Variants in STAG2 observed in about 807,000 individuals in gnomAD.
STAG2 encodes STAG2 cohesin complex component, also known as cohesin subunit SA-2.
STAG2 carries 14 observed loss-of-function variants against 108.1 expected under a neutral mutation model. The observed-to-expected ratio is 0.13, with a 90% CI of 0.09 to 0.20. The LOEUF (loss-of-function observed/expected upper bound fraction) is 0.20, where lower values mean the gene tolerates loss of function less well. Ranked by LOEUF, STAG2 falls within the 10% of genes least tolerant of loss-of-function variation. STAG2 has a pLI of 1.00. For synonymous variants in STAG2, 307 were observed against 302.7 expected, an observed-to-expected ratio of 1.01 and a Z score of -0.15; for missense variants, 440 against 940.9, an observed-to-expected ratio of 0.47 and a Z score of 6.96.
Position 124,094,113 on chromosome X carries a change from G to A in STAG2, c.3674G>A (p.Gly1225Glu), listed in dbSNP as rs752627195. Residue 1225 changes from glycine to glutamate, a missense_variant, in exon 33 of 35, where the codon GGA becomes GAA. Transcript: ENST00000371145. ...GGGAGGATTGAGGATCTTAATGAGGGAATGGATTTTGACACCATGGATATA... is the reference window on the plus strand; with the variant it reads ...GGGAGGATTGAGGATCTTAATGAGGAAATGGATTTTGACACCATGGATATA... ...SEGRIEDLNE[G>E]MDFDTMDIDL... 3 of 1,206,671 alleles carry A rather than the reference G, an allele frequency of 2.5e-6. No homozygotes were observed.
At position 124,094,156 on chromosome X, in the gene STAG2, A is replaced by C; in HGVS notation, c.3705+12A>C. 2 of 1,194,707 alleles carry C rather than the reference A, an allele frequency of 1.7e-6. No homozygotes were observed. The highest frequency in any genetic ancestry group is 1.1e-6 in the Non-Finnish European group (1 of 883,168). On this transcript the variant is annotated intron_variant, in intron 33 of 34. Coordinates refer to ENST00000371145, the MANE Select transcript of STAG2 (RefSeq NM_001042750.2). The stretch of plus-strand genomic sequence containing the variant: ...TGGATATAGATTTGGTAAGAAACTT[A>C]ATGATTTCTGTAAGATTTTCAGTTT...
At chrX:124,100,371 CT>C (rs1241993924) in intron 34 of STAG2, among the ~76,000 whole-genome samples, 2 of 110,997 alleles carry the variant, frequency 1.8e-5, no homozygotes, top group African/African-American at 6.5e-5. Context: ...TAAGTAGCAT[CT>C]TGATTAGTCC....
At chrX:124,098,236 A>G (rs921407638) in intron 34 of STAG2, among the ~76,000 whole-genome samples, 11 of 111,054 alleles carry the variant, frequency 9.9e-5, no homozygotes, top group African/African-American at 3.6e-4. Flanking sequence ...CTGCTACAAA[A>G]ATTAGGAAAA....
rs898120842 is a variant in STAG2 at position 124,081,584 on chromosome X, T to C, written c.2924+56T>C. 3.1e-6 allele frequency: 3 copies of C among 953,890 alleles called. No individual in the cohort carries two copies. The South Asian group carries it at 8.4e-5, about 27-fold the overall frequency. The allele number at this position is 953,890 out of a possible 1,213,427, so 78.6% of individuals were successfully genotyped here. A position where few individuals can be genotyped will look rare whatever the true frequency, so the allele number is the denominator to read the frequency against. ...TATTTTTTAGTCATGAAACTTTATT[T>C]TTAAATCTAGCCCTTTCATTTGGAA... On this transcript the variant is annotated intron_variant, in intron 28 of 34. Coordinates refer to ENST00000371145, the MANE Select transcript of STAG2 (RefSeq NM_001042750.2).
intron 1 of STAG2, among the ~76,000 whole-genome samples, chrX:123,978,463 C>T (rs1320254030): frequency 9.0e-6 from 1 of 111,003 alleles, no homozygotes; most frequent in African/African-American, 3.3e-5. Flanking sequence ...GATCAGTGGA[C>T]AATAATGTGA....
At chrX:124,020,740 C>T (rs957316280) in intron 1 of STAG2, among the ~76,000 whole-genome samples, 1 of 111,853 alleles carries the variant, frequency 8.9e-6, no homozygotes, top group African/African-American at 3.2e-5. Flanking sequence ...GACAGAGTCT[C>T]GCTTTGTCAC....
At chrX:124,083,970 A>G (rs751683130) in intron 29 of STAG2, among the ~76,000 whole-genome samples, 22 of 111,410 alleles carry the variant, frequency 2.0e-4, no homozygotes, top group Non-Finnish European at 3.6e-4. Flanking sequence ...CTAAGGAGGG[A>G]GCATTTGAAA....
intron 28 of STAG2, among the ~76,000 whole-genome samples, chrX:124,082,538 C>T (rs2058987172): frequency 9.0e-6 from 1 of 110,763 alleles, no homozygotes; most frequent in Non-Finnish European, 1.9e-5. Flanking sequence ...TTTGCTTCTA[C>T]TCCCTCAACT....
At position 124,007,095 on chromosome X, in the gene STAG2, G is replaced by T. The variant is rs760481044; in HGVS notation, c.-162-14272G>T. 3.7e-5 allele frequency among the ~76,000 whole-genome samples: 4 copies of T among 108,506 alleles called. No individual in the cohort carries two copies. The East Asian group carries it at 1.2e-3, about 32-fold the overall frequency. The allele number at this position is 108,506 out of a possible 115,157, so 94.2% of individuals were successfully genotyped here. ...AGCTCACTGCAGCCTCGTACTCCTGGGCTCAAGCGATCTCTCTCTCTCTCT... is the reference window on the plus strand; with the variant it reads ...AGCTCACTGCAGCCTCGTACTCCTGTGCTCAAGCGATCTCTCTCTCTCTCT... On this transcript the variant is annotated intron_variant, in intron 1 of 34. Transcript: ENST00000371145.
chrX:123,975,813 C>T (rs1259932973), intron 1 of STAG2, among the ~76,000 whole-genome samples: 1 of 112,090 alleles, frequency 8.9e-6, no homozygotes, highest in African/African-American at 3.2e-5. Flanking sequence ...TAAAGTGCTA[C>T]TGTTCATTGA....
chrX:124,042,674 A>T (rs913576183), intron 7 of STAG2, 29 bp downstream of exon 7: 1 of 975,628 alleles, frequency 1.0e-6, no homozygotes, highest in East Asian at 3.1e-5. Flanking sequence ...TGTTTTGATA[A>T]CTTATGCATG....
At chrX:124,083,158 T>C (rs2059005514) in intron 28 of STAG2, among the ~76,000 whole-genome samples, 1 of 111,768 alleles carries the variant, frequency 8.9e-6, no homozygotes, top group Non-Finnish European at 1.9e-5. Flanking sequence ...AGAATGTAGA[T>C]ATACCAGACC....
intron 1 of STAG2, among the ~76,000 whole-genome samples, chrX:123,969,706 G>A (rs1490059529): frequency 9.1e-6 from 1 of 109,383 alleles, no homozygotes; most frequent in African/African-American, 3.3e-5. Context: ...GTGGTGCAGT[G>A]GCATGATTGG....
rs183562950 is a variant in STAG2 at position 124,025,829 on chromosome X, T to C, written c.45-11T>C. 2.0e-4 allele frequency: 221 copies of C among 1,132,291 alleles called. No homozygotes were observed. The African/African-American group carries it at 3.6e-3, about 18-fold the overall frequency. 93.3% of individuals were successfully genotyped at this position (1,132,291 alleles called of 1,213,427 possible). A position where few individuals can be genotyped will look rare whatever the true frequency, so the allele number is the denominator to read the frequency against. On this transcript the variant is annotated splice_polypyrimidine_tract_variant and intron_variant, in intron 3 of 34. Coordinates refer to ENST00000371145, the MANE Select transcript of STAG2 (RefSeq NM_001042750.2). ...TAAGGAAGGGTTTTAATTCTTATCT[T>C]TCTGTCACAGGGAGTCAGAAACACA... is the stretch of plus-strand genomic sequence containing the variant.
intron 5 of STAG2, 52 bp from the exon 6 acceptor site, chrX:124,037,475 T>G: frequency 1.2e-6 from 1 of 847,543 alleles, no homozygotes; most frequent in South Asian, 2.7e-5. Context: ...CTTAATTGAT[T>G]TTGAGAAAAT....
intron 34 of STAG2, among the ~76,000 whole-genome samples, chrX:124,097,166 C>T (rs2059402180): frequency 1.3e-5 from 1 of 74,701 alleles, no homozygotes. Flanking sequence ...GTGACAGAGC[C>T]GAGACCCTGT....
chrX:124,080,799 G>A (rs761887503), intron 27 of STAG2, among the ~76,000 whole-genome samples: 6 of 111,740 alleles, frequency 5.4e-5, no homozygotes, highest in Non-Finnish European at 9.4e-5. Flanking sequence ...CCATTTTGAC[G>A]ACTATATAAT....
At chrX:124,037,691 G>C in intron 6 of STAG2, 68 bp downstream of exon 6, 2 of 633,364 alleles carry the variant, frequency 3.2e-6, no homozygotes, top group Non-Finnish European at 4.8e-6. Context: ...CTAAAGAGAT[G>C]TTGTTAGCAC....
At chrX:124,080,364 G>T (rs2058924362) in intron 27 of STAG2, among the ~76,000 whole-genome samples, 2 of 110,899 alleles carry the variant, frequency 1.8e-5, no homozygotes, top group South Asian at 7.6e-4. Flanking sequence ...ATTTTCTCTG[G>T]GTGTATACCC....
Sources: gnomAD v4.1 joint callset for allele counts (sites outside exome capture counted in the v4.1 genomes callset) on GRCh38, gnomAD v4.1.1 for gene constraint, MANE v1.5 for transcripts, NCBI Gene and HGNC (gene_info 2026-07-23, HGNC 2026-07-21) for gene names.